The following CSMD1 variants were observed in gnomAD, a reference collection of about 807,000 sequenced individuals.
CSMD1 encodes CUB and Sushi multiple domains 1, also known as CUB and sushi domain-containing protein 1.
A neutral mutation model predicts 417.5 loss-of-function variants in CSMD1; 213 were observed. The ratio of observed to expected loss-of-function variants is 0.51; its 90% CI spans 0.46 to 0.57. CSMD1 has a LOEUF of 0.57. Ranked by LOEUF, CSMD1 falls within the 20% of genes least tolerant of loss-of-function variation. CSMD1 has a pLI of 0.00. For synonymous variants in CSMD1, 2,862 were observed against 1,736.8 expected (o/e 1.65, Z -16.11); for missense variants, 6,923 against 4,529.7 (o/e 1.53, Z -15.17).
At chr8:3,768,938 T>G (rs1311289688) in intron 5 of CSMD1, among the ~76,000 whole-genome samples, 1 of 152,230 alleles carries the variant, frequency 6.6e-6, no homozygotes, top group Non-Finnish European at 1.5e-5. Context: ...AAGAATCTGC[T>G]GTGTTCCGAT....
At chr8:4,406,270 G>C (rs1158052525) in intron 3 of CSMD1, among the ~76,000 whole-genome samples, 5 of 152,100 alleles carry the variant, frequency 3.3e-5, no homozygotes, top group African/African-American at 1.2e-4. Flanking sequence ...TTTGCCCTCA[G>C]ATAGTGCAAT....
At chr8:4,433,429 A>T (rs1797980350) in intron 2 of CSMD1, among the ~76,000 whole-genome samples, 2 of 152,154 alleles carry the variant, frequency 1.3e-5, no homozygotes, top group African/African-American at 4.8e-5. Flanking sequence ...AACCAGGAAT[A>T]GGGCACATTA....
intron 2 of CSMD1, among the ~76,000 whole-genome samples, chr8:4,452,902 C>A (rs963996516): frequency 2.6e-5 from 4 of 152,156 alleles, no homozygotes; most frequent in Admixed American, 6.5e-5. Flanking sequence ...AGAGAAGCAA[C>A]GATGGGCACA....
rs796941481 is a variant in CSMD1, at chr8:3,934,613, G to C, written c.818+63290C>G. ...CTGATGCCTGTAATCTCAGCACTTTGGCAGGCCAAGGAGGTAGATCACCTC... is the reference window on the plus strand; with the variant it reads ...CTGATGCCTGTAATCTCAGCACTTTCGCAGGCCAAGGAGGTAGATCACCTC... On this transcript the variant is annotated intron_variant, in intron 5 of 69. Coordinates refer to ENST00000635120, the MANE Select transcript of CSMD1 (RefSeq NM_033225.6). Among the ~76,000 whole-genome samples, 4 of 152,196 alleles carry C rather than the reference G, an allele frequency of 2.6e-5. No homozygotes were observed. In the South Asian group the frequency reaches 8.3e-4, roughly 32 times the overall value.
At chr8:4,723,914 G>C (rs932740659) in intron 1 of CSMD1, among the ~76,000 whole-genome samples, 1 of 151,792 alleles carries the variant, frequency 6.6e-6, no homozygotes, top group East Asian at 1.9e-4. Flanking sequence ...TGCATATACA[G>C]ATCTCTTCAA....
At chr8:4,395,967 G>C (rs922666568) in intron 3 of CSMD1, among the ~76,000 whole-genome samples, 1 of 152,092 alleles carries the variant, frequency 6.6e-6, no homozygotes, top group African/African-American at 2.4e-5. Context: ...ATTAACTTTA[G>C]ATAAATATAT....
intron 3 of CSMD1, among the ~76,000 whole-genome samples, chr8:4,348,311 T>C (rs1170157239): frequency 1.3e-5 from 2 of 151,972 alleles, no homozygotes; most frequent in African/African-American, 4.8e-5. Flanking sequence ...TGTGGATGCC[T>C]TTGTAAGAGT....
At chr8:4,863,278 G>A (rs950468726) in intron 1 of CSMD1, among the ~76,000 whole-genome samples, 1 of 152,088 alleles carries the variant, frequency 6.6e-6, no homozygotes, top group South Asian at 2.1e-4. Flanking sequence ...CAAATTTTTA[G>A]AACGGCGCAT....
At chr8:3,467,839 G>C (rs1441243018) in intron 12 of CSMD1, among the ~76,000 whole-genome samples, 1 of 152,070 alleles carries the variant, frequency 6.6e-6, no homozygotes, top group Non-Finnish European at 1.5e-5. Flanking sequence ...ATAACTTCTT[G>C]TTACATTTTT....
At chr8:4,845,920 C>A (rs17071707) in intron 1 of CSMD1, among the ~76,000 whole-genome samples, 12,474 of 152,230 alleles carry the variant, frequency 0.082, 738 homozygotes, top group African/African-American at 0.17. Context: ...TTACGCTAGC[C>A]TATGAACTTT....
chr8:4,020,059 G>T (rs1382715408), intron 4 of CSMD1, among the ~76,000 whole-genome samples: 1 of 152,134 alleles, frequency 6.6e-6, no homozygotes, highest in African/African-American at 2.4e-5. Context: ...GTGGAAGGGA[G>T]AGGAGATAGA....
chr8:4,558,908 A>C (rs887422390), intron 2 of CSMD1, among the ~76,000 whole-genome samples: 1 of 128,344 alleles, frequency 7.8e-6, no homozygotes, highest in Non-Finnish European at 1.6e-5. Context: ...ACAAAACAAA[A>C]AATAGAGATT....
chr8:3,680,581 G>C (rs1178600240), intron 7 of CSMD1, among the ~76,000 whole-genome samples: 1 of 152,132 alleles, frequency 6.6e-6, no homozygotes, highest in Non-Finnish European at 1.5e-5. Flanking sequence ...GGACCAGATG[G>C]ATTCACAGCC....
At position 3,614,516 on chromosome 8, in the gene CSMD1, G is replaced by A. The variant is rs1252823191; in HGVS notation, c.1097+2194C>T. On this transcript the variant is annotated intron_variant, in intron 8 of 69. Transcript: ENST00000635120. ...ATTGCCCATGTGCTAAGAAGACATT[G>A]GCCTGAATATTCACAACTTCCCTGT... Among the ~76,000 whole-genome samples, 3 of 152,268 alleles carry A rather than the reference G, an allele frequency of 2.0e-5. No individual in the cohort carries two copies. In the East Asian group the frequency reaches 5.8e-4, roughly 29 times the overall value.
chr8:4,497,157 T>G (rs1234211069), intron 2 of CSMD1, among the ~76,000 whole-genome samples: 2 of 152,186 alleles, frequency 1.3e-5, no homozygotes, highest in African/African-American at 2.4e-5. Flanking sequence ...TTGGTATTTC[T>G]TTTAGTAGAA....
At position 4,553,964 on chromosome 8, in the gene CSMD1, G is replaced by A. The variant is rs558701306; in HGVS notation, c.302+83378C>T. Among the ~76,000 whole-genome samples the A allele has an allele frequency of 6.4e-4, 97 of 152,270 alleles. 2 individuals carry two copies. In the South Asian group the frequency reaches 0.016, roughly 25 times the overall value. ...TGAAGGAGTCCATTTAGCCTGTCAC[G>A]CTGATGTCTGCTGGCATGAGACAGT... On this transcript the variant is annotated intron_variant, in intron 2 of 69. Coordinates refer to ENST00000635120, the MANE Select transcript of CSMD1 (RefSeq NM_033225.6).
At chr8:3,404,482 C>G (rs1383923440) in intron 15 of CSMD1, among the ~76,000 whole-genome samples, 1 of 152,106 alleles carries the variant, frequency 6.6e-6, no homozygotes, top group Non-Finnish European at 1.5e-5. Context: ...TGCTCCACAC[C>G]TAGACCCCAG....
In CSMD1 at chr8:4,960,261, A is replaced by T. The variant is rs546476863; in HGVS notation, c.85+34071T>A. Among the ~76,000 whole-genome samples the T allele has an allele frequency of 1.8e-4, 27 of 152,338 alleles. 1 individual carries two copies. The highest frequency in any genetic ancestry group is 6.0e-4 in the African/African-American group (25 of 41,588). The stretch of plus-strand genomic sequence containing the variant: ...TAATATCTTGAAGGAAATGGAAAAG[A>T]TAAACTATACATAACATTTGTTTAA... On this transcript the variant is annotated intron_variant, in intron 1 of 69. Coordinates refer to ENST00000635120, the MANE Select transcript of CSMD1 (RefSeq NM_033225.6).
At chr8:4,770,838 C>G (rs1349268568) in intron 1 of CSMD1, among the ~76,000 whole-genome samples, 1 of 152,008 alleles carries the variant, frequency 6.6e-6, no homozygotes, top group Non-Finnish European at 1.5e-5. Context: ...AACATAAGAC[C>G]TGAAACCATG....
Sources: allele counts gnomAD v4.1 joint callset (sites outside exome capture counted in the v4.1 genomes callset), GRCh38; gene constraint gnomAD v4.1.1; transcripts MANE v1.5; gene names NCBI Gene and HGNC (gene_info 2026-07-23, HGNC 2026-07-21).